COL19A1: variants seen among roughly 807,000 people sequenced by gnomAD.
The protein encoded by COL19A1 is collagen type XIX alpha 1 chain.
In COL19A1, 159 loss-of-function variants were observed where a neutral mutation model predicts 190.2. The ratio of observed to expected loss-of-function variants is 0.84; its 90% CI spans 0.73 to 0.95. The LOEUF (loss-of-function observed/expected upper bound fraction) is 0.95. Ranked by LOEUF, COL19A1 falls within the 40% of genes least tolerant of loss-of-function variation. COL19A1 has a pLI of 0.00. For missense variants in COL19A1, 1,418 were observed against 1,431.9 expected (o/e 0.99, Z 0.16); for synonymous variants, 509 against 458.9 (o/e 1.11, Z -1.39).
intron 11 of COL19A1, among the ~76,000 whole-genome samples, chr6:69,995,286 A>G (rs1348890992): frequency 6.6e-6 from 1 of 152,200 alleles, no homozygotes. Flanking sequence ...CTCTACCACA[A>G]AATAAGCTTC....
intron 11 of COL19A1, among the ~76,000 whole-genome samples, chr6:70,006,209 G>T (rs554506658): frequency 6.6e-6 from 1 of 152,338 alleles, no homozygotes; most frequent in South Asian, 2.1e-4. Flanking sequence ...GAGCTCAGCA[G>T]GCTTAAGCAG....
intron 11 of COL19A1, among the ~76,000 whole-genome samples, chr6:70,022,293 A>C (rs1009813954): frequency 6.6e-6 from 1 of 152,166 alleles, no homozygotes; most frequent in Admixed American, 6.5e-5. Flanking sequence ...TTCTATACAT[A>C]TTCTTTTATT....
intron 15 of COL19A1, among the ~76,000 whole-genome samples, chr6:70,070,318 A>G (rs953930415): frequency 7.9e-5 from 12 of 152,176 alleles, no homozygotes; most frequent in Admixed American, 7.9e-4. Flanking sequence ...GTTAAATTGT[A>G]AAGTTCAACC....
intron 11 of COL19A1, among the ~76,000 whole-genome samples, chr6:69,981,779 G>C (rs1776045713): frequency 6.6e-6 from 1 of 151,846 alleles, no homozygotes; most frequent in South Asian, 2.1e-4. Context: ...TACATACATA[G>C]ATACATGCAT....
chr6:69,883,352 G>C (rs982459497), intron 2 of COL19A1, among the ~76,000 whole-genome samples: 9 of 152,190 alleles, frequency 5.9e-5, no homozygotes, highest in Non-Finnish European at 1.2e-4. Context: ...TGTCCTATGA[G>C]ACCTCTTGGA....
chr6:69,890,243 A>G (rs1324721355), intron 2 of COL19A1: 1 of 152,240 alleles, frequency 6.6e-6, no homozygotes, highest in African/African-American at 2.4e-5. Flanking sequence ...TCTCTTTTGA[A>G]TTCCATTCCT....
chr6:69,911,384 CT>C (rs1000386335), intron 4 of COL19A1, among the ~76,000 whole-genome samples: 15 of 152,198 alleles, frequency 9.9e-5, no homozygotes, highest in East Asian at 7.7e-4. Context: ...TCCTAAGACA[CT>C]TTTTTTTCCC....
chr6:70,096,647 C>T (rs150696144), intron 15 of COL19A1, among the ~76,000 whole-genome samples: 36 of 152,272 alleles, frequency 2.4e-4, no homozygotes, highest in African/African-American at 7.9e-4. Context: ...GCATTTTATT[C>T]TCAAAGTTCC....
intron 4 of COL19A1, among the ~76,000 whole-genome samples, chr6:69,900,668 G>A (rs948238558): frequency 3.9e-5 from 6 of 151,964 alleles, no homozygotes; most frequent in African/African-American, 1.4e-4. Context: ...AAAACATAAG[G>A]CACTATATAG....
chr6:69,930,268 G>A (rs761449880), intron 6 of COL19A1, among the ~76,000 whole-genome samples: 3 of 152,086 alleles, frequency 2.0e-5, no homozygotes, highest in Non-Finnish European at 2.9e-5. Context: ...TGGATAAAAA[G>A]TTACTTTAAA....
At position 70,188,082 on chromosome 6, in the gene COL19A1, A is replaced by G; in HGVS notation, c.2864A>G (p.Gln955Arg). ...TTATTTTTTCCTTAACAGGGTGATC[A>G]GGGGATTCCAGGAGACAGAGGCTCA... is the stretch of plus-strand genomic sequence containing the variant. Reference protein sequence around the residue: ...DRGPKGERGDQGIPGDRGSQG... With the variant: ...DRGPKGERGDRGIPGDRGSQG... The change falls in exon 47 of 51, where the codon CAG becomes CGG. Residue 955 changes from glutamine to arginine, a missense_variant. Coordinates refer to ENST00000620364, the MANE Select transcript of COL19A1 (RefSeq NM_001858.6). The G allele has an allele frequency of 1.2e-6, 2 of 1,613,410 alleles. No homozygotes were observed. The highest frequency in any genetic ancestry group is 1.7e-6 in the Non-Finnish European group (2 of 1,179,710).
intron 34 of COL19A1, among the ~76,000 whole-genome samples, chr6:70,158,763 T>C (rs1787595991): frequency 1.3e-5 from 2 of 152,092 alleles, no homozygotes; most frequent in African/African-American, 4.8e-5. Context: ...ATTTGCAAAA[T>C]GAAATATCAG....
intron 41 of COL19A1, among the ~76,000 whole-genome samples, chr6:70,175,317 T>A (rs532007299): frequency 1.3e-5 from 2 of 152,322 alleles, no homozygotes; most frequent in East Asian, 3.9e-4. Flanking sequence ...AACACTATAT[T>A]TCTTTATGAT....
intron 9 of COL19A1, among the ~76,000 whole-genome samples, chr6:69,941,095 C>G (rs1184366758): frequency 6.6e-6 from 1 of 152,114 alleles, no homozygotes; most frequent in Admixed American, 6.6e-5. Flanking sequence ...TGCAATGTTA[C>G]TAAGGGAATC....
chr6:70,141,318 AT>A (rs1046754327), intron 20 of COL19A1, among the ~76,000 whole-genome samples: 2 of 152,042 alleles, frequency 1.3e-5, no homozygotes, highest in African/African-American at 4.8e-5. Context: ...TAAAAGATAC[AT>A]TTTTTTCCAA....
intron 4 of COL19A1, among the ~76,000 whole-genome samples, chr6:69,904,399 G>A (rs1478869564): frequency 2.6e-5 from 4 of 152,196 alleles, no homozygotes; most frequent in African/African-American, 4.8e-5. Context: ...AGGGAGGGGT[G>A]AGTTGTGATA....
intron 42 of COL19A1, among the ~76,000 whole-genome samples, chr6:70,179,091 TC>T (rs1441530231): frequency 6.6e-6 from 1 of 152,008 alleles, no homozygotes; most frequent in Non-Finnish European, 1.5e-5. Flanking sequence ...TAACACATCT[TC>T]CCACTCAGGC....
chr6:70,128,282 G>T (rs1785321840), intron 17 of COL19A1, among the ~76,000 whole-genome samples: 1 of 152,202 alleles, frequency 6.6e-6, no homozygotes, highest in African/African-American at 2.4e-5. Context: ...TATATGCTGG[G>T]TTTATAAATT....
intron 42 of COL19A1, among the ~76,000 whole-genome samples, chr6:70,177,957 G>T (rs1254190490): frequency 6.6e-6 from 1 of 152,172 alleles, no homozygotes; most frequent in African/African-American, 2.4e-5. Flanking sequence ...GTGGCCACAG[G>T]CAATCCAAAT....
Sources: allele counts gnomAD v4.1 joint callset (sites outside exome capture counted in the v4.1 genomes callset), GRCh38; gene constraint gnomAD v4.1.1; transcripts MANE v1.5; gene names NCBI Gene and HGNC (gene_info 2026-07-23, HGNC 2026-07-21).